Variants in PRKCA observed in about 807,000 individuals in gnomAD.
The protein encoded by PRKCA is protein kinase C alpha type.
A neutral mutation model predicts 87.0 loss-of-function variants in PRKCA; 27 were observed. The ratio of observed to expected loss-of-function variants is 0.31; its 90% CI spans 0.23 to 0.43. The LOEUF is 0.43. Among genes scored for constraint, PRKCA ranks in the 20% least tolerant of loss-of-function variants. The pLI, the probability that PRKCA is intolerant of heterozygous loss-of-function variation, is 1.00. For synonymous variants in PRKCA, 329 were observed against 311.1 expected, an observed-to-expected ratio of 1.06 and a Z score of -0.61; for missense variants, 518 against 852.3, an observed-to-expected ratio of 0.61 and a Z score of 4.88.
chr17:66,534,535 C>T (rs7221509), intron 3 of PRKCA, among the ~76,000 whole-genome samples: 4,161 of 152,002 alleles, frequency 0.027, 164 homozygotes, highest in African/African-American at 0.095. Context: ...GGCGTGGTGG[C>T]GGGCGCCTGT....
At chr17:66,466,329 C>T (rs1374961709) in intron 2 of PRKCA, among the ~76,000 whole-genome samples, 2 of 152,154 alleles carry the variant, frequency 1.3e-5, no homozygotes, top group Admixed American at 1.3e-4. Context: ...AGCTTGGTCC[C>T]AGGTGTCCCA....
chr17:66,545,268 A>G (rs1011249349), intron 3 of PRKCA, among the ~76,000 whole-genome samples: 1 of 152,128 alleles, frequency 6.6e-6, no homozygotes, highest in Admixed American at 6.5e-5. Context: ...CTCTACTAAA[A>G]AATACAAAAA....
At chr17:66,316,086 A>G (rs1305623534) in intron 2 of PRKCA, among the ~76,000 whole-genome samples, 1 of 152,204 alleles carries the variant, frequency 6.6e-6, no homozygotes, top group African/African-American at 2.4e-5. Flanking sequence ...TGATTAGGAA[A>G]ATGGAGGAAG....
intron 11 of PRKCA, among the ~76,000 whole-genome samples, chr17:66,739,969 GA>G (rs1974122293): frequency 6.6e-6 from 1 of 152,116 alleles, no homozygotes; most frequent in Non-Finnish European, 1.5e-5. Flanking sequence ...TTATAGATAA[GA>G]AGGAATGGAG....
At chr17:66,662,604 CAG>C (rs954221073) in intron 5 of PRKCA, among the ~76,000 whole-genome samples, 45 of 151,964 alleles carry the variant, frequency 3.0e-4, no homozygotes, top group African/African-American at 1.0e-3. Flanking sequence ...CGGACTGGCC[CAG>C]AGAGAGATCT....
Position 66,689,307 on chromosome 17 carries a change from G to T in PRKCA, c.918+260G>T, listed in dbSNP as rs149861493. On this transcript the variant is annotated intron_variant, in intron 8 of 16. Transcript: ENST00000413366. The surrounding 1 kb of genome is among the most constrained non-coding windows in gnomAD (Gnocchi z 4.1). ...GAGCATGGTTGATTTCTGCATAAGA[G>T]ATCTGTTTGCACATCACTGGGGAGA... is the stretch of plus-strand genomic sequence containing the variant. Among the ~76,000 whole-genome samples the T allele has an allele frequency of 6.6e-6, 1 of 152,292 alleles. No individual in the cohort carries two copies. Among genetic ancestry groups the T allele is most frequent in the Non-Finnish European group, 1.5e-5 (1 of 68,038 alleles).
At position 66,357,672 on chromosome 17, in the gene PRKCA, A is replaced by G. The variant is rs116322823; in HGVS notation, c.205+51545A>G. Reference sequence around the variant, plus strand: ...AAATAGAAATAATACTACCTTTCTCATAGGAGTTTGTGCTTATTAAATGAG... The same window carrying G: ...AAATAGAAATAATACTACCTTTCTCGTAGGAGTTTGTGCTTATTAAATGAG... On this transcript the variant is annotated intron_variant, in intron 2 of 16. Transcript: ENST00000413366. 3.7e-3 allele frequency among the ~76,000 whole-genome samples: 568 copies of G among 152,292 alleles called. 4 individuals carry two copies. The highest frequency in any genetic ancestry group is 0.013 in the African/African-American group (534 of 41,548).
intron 8 of PRKCA, among the ~76,000 whole-genome samples, chr17:66,717,208 C>G (rs1351104599): frequency 1.3e-5 from 2 of 152,200 alleles, no homozygotes; most frequent in Non-Finnish European, 2.9e-5. Context: ...CAATCCACAG[C>G]CCAGACCCCA....
At chr17:66,712,355 G>A (rs1179489624) in intron 8 of PRKCA, among the ~76,000 whole-genome samples, 1 of 152,156 alleles carries the variant, frequency 6.6e-6, no homozygotes, top group African/African-American at 2.4e-5. Flanking sequence ...GTGGCCTGAC[G>A]TGCCTGAGTG....
In PRKCA at chr17:66,408,053, G is replaced by A. The variant is rs939004934; in HGVS notation, c.206-88148G>A. ...CTCCATGGAGGTTATGCTCAATTACGTATTATAAAAATTGGCATTGACACT... is the reference window on the plus strand; with the variant it reads ...CTCCATGGAGGTTATGCTCAATTACATATTATAAAAATTGGCATTGACACT... On this transcript the variant is annotated intron_variant, in intron 2 of 16. Coordinates refer to ENST00000413366, the MANE Select transcript of PRKCA (RefSeq NM_002737.3). Among the ~76,000 whole-genome samples, 9 of 152,260 alleles carry A rather than the reference G, an allele frequency of 5.9e-5. No individual in the cohort carries two copies. In the East Asian group the frequency reaches 1.3e-3, roughly 23 times the overall value.
At position 66,512,490 on chromosome 17, in the gene PRKCA, G is replaced by A. The variant is rs575833895; in HGVS notation, c.288+16207G>A. 8.7e-4 allele frequency among the ~76,000 whole-genome samples: 14 copies of A among 16,174 alleles called. No homozygotes were observed. The South Asian group carries it at 0.059, about 68-fold the overall frequency. 10.6% of individuals were successfully genotyped at this position (16,174 alleles called of 152,430 possible). A position where few individuals can be genotyped will look rare whatever the true frequency, so the allele number is the denominator to read the frequency against. ...TGTGTGTGTGTGTGTGTGTGTGTGT[G>A]TATTTCTTTCTTTCCCTTGGTCCAC... On this transcript the variant is annotated intron_variant, in intron 3 of 16. Transcript: ENST00000413366.
intron 2 of PRKCA, among the ~76,000 whole-genome samples, chr17:66,492,292 G>T (rs1202964073): frequency 6.6e-6 from 1 of 152,192 alleles, no homozygotes; most frequent in Admixed American, 6.5e-5. Context: ...TCTGCAAATT[G>T]TGCTGGATAA....
At chr17:66,472,764 T>C (rs1598701794) in intron 2 of PRKCA, among the ~76,000 whole-genome samples, 1 of 152,200 alleles carries the variant, frequency 6.6e-6, no homozygotes, top group Non-Finnish European at 1.5e-5. Flanking sequence ...ATCCCACATA[T>C]AAAGTAGCAG....
At chr17:66,526,375 T>C (rs1967348184) in intron 3 of PRKCA, among the ~76,000 whole-genome samples, 1 of 152,196 alleles carries the variant, frequency 6.6e-6, no homozygotes, top group Admixed American at 6.5e-5. Context: ...CTTCCAGTCA[T>C]GTTATCACTT....
At chr17:66,569,151 T>C (rs990527428) in intron 3 of PRKCA, among the ~76,000 whole-genome samples, 1 of 152,166 alleles carries the variant, frequency 6.6e-6, no homozygotes, top group African/African-American at 2.4e-5. Flanking sequence ...TAAATAGAAC[T>C]AACCCTAAAG....
chr17:66,424,598 C>CACACACACA, intron 2 of PRKCA, among the ~76,000 whole-genome samples: 1 of 150,628 alleles, frequency 6.6e-6, no homozygotes, highest in East Asian at 1.9e-4. Flanking sequence ...CACACACACA[C>CACACACACA]ATCTTTGAAG....
At chr17:66,306,326 G>GA (rs1330997190) in intron 2 of PRKCA, 199 bp downstream of exon 2, 3 of 319,894 alleles carry the variant, frequency 9.4e-6, no homozygotes, top group Non-Finnish European at 1.1e-5. Flanking sequence ...TTTTCTCATT[G>GA]GAAAAAAAAA....
chr17:66,428,139 A>C (rs761976153), intron 2 of PRKCA, among the ~76,000 whole-genome samples: 14 of 152,102 alleles, frequency 9.2e-5, no homozygotes, highest in Non-Finnish European at 1.5e-4. Flanking sequence ...CACGTGATTC[A>C]CTTCGATTCC....
intron 2 of PRKCA, among the ~76,000 whole-genome samples, chr17:66,361,603 G>A (rs972361337): frequency 5.3e-5 from 8 of 152,088 alleles, no homozygotes; most frequent in African/African-American, 1.4e-4. Context: ...GAGCCACTGC[G>A]CCAGCCCATA....
Sources: gnomAD v4.1 joint callset for allele counts (sites outside exome capture counted in the v4.1 genomes callset) on GRCh38, gnomAD v4.1.1 for gene constraint, Gnocchi (gnomAD v3.1) non-coding constraint, MANE v1.5 for transcripts, NCBI Gene and HGNC (gene_info 2026-07-23, HGNC 2026-07-21) for gene names.